The following FRMD6 variants were observed in gnomAD, a reference collection of about 807,000 sequenced individuals.
FRMD6 encodes FERM domain-containing protein 6.
Under a neutral mutation model 73.2 loss-of-function variants are expected in FRMD6, and 37 were observed. The observed-to-expected ratio is 0.51, with a 90% CI of 0.39 to 0.66. The LOEUF (loss-of-function observed/expected upper bound fraction) is 0.66, where lower values mean the gene tolerates loss of function less well. FRMD6 is among the 30% of genes least tolerant of loss of function. FRMD6 has a pLI of 0.00. For missense variants in FRMD6, 714 were observed against 780.5 expected (o/e 0.91, Z 1.02); for synonymous variants, 273 against 282.2 (o/e 0.97, Z 0.33).
At chr14:51,576,472 G>A (rs1016094854) in intron 2 of FRMD6, among the ~76,000 whole-genome samples, 1 of 152,176 alleles carries the variant, frequency 6.6e-6, no homozygotes, top group African/African-American at 2.4e-5. Flanking sequence ...ACTCGGGCAT[G>A]CCTATCTCAT....
chr14:51,573,345 A>G (rs1236948689), intron 2 of FRMD6, among the ~76,000 whole-genome samples: 5 of 152,146 alleles, frequency 3.3e-5, no homozygotes, highest in Non-Finnish European at 5.9e-5. Context: ...CTGACATTTC[A>G]ATGCCCCACT....
chr14:51,404,866 A>G, the FRMD6 span, among the ~76,000 whole-genome samples: 2 of 152,064 alleles, frequency 1.3e-5, no homozygotes, highest in African/African-American at 4.8e-5. Flanking sequence ...AGATTATTTA[A>G]TCACCCAGGT....
At chr14:51,432,262 G>C in the FRMD6 span, among the ~76,000 whole-genome samples, 1 of 152,130 alleles carries the variant, frequency 6.6e-6, no homozygotes, top group African/African-American at 2.4e-5. Flanking sequence ...CTTCATTCTG[G>C]TCTGACTATA....
chr14:51,469,915 GT>G, the FRMD6 span, among the ~76,000 whole-genome samples: 2 of 151,948 alleles, frequency 1.3e-5, no homozygotes, highest in Non-Finnish European at 1.5e-5. Flanking sequence ...TTGGGGGAAG[GT>G]TTTGGATAAC....
chr14:51,471,065 T>A, the FRMD6 span, among the ~76,000 whole-genome samples: 1 of 152,240 alleles, frequency 6.6e-6, no homozygotes, highest in Admixed American at 6.5e-5. Context: ...GGTTTTTCTA[T>A]GAATTGCTTA....
intron 2 of FRMD6, among the ~76,000 whole-genome samples, chr14:51,642,445 C>T (rs1026137730): frequency 6.6e-6 from 1 of 152,098 alleles, no homozygotes; most frequent in Non-Finnish European, 1.5e-5. Context: ...GAGACTGAGG[C>T]AGAATTGCTT....
chr14:51,527,158 C>T (rs1437204632), intron 1 of FRMD6, among the ~76,000 whole-genome samples: 3 of 152,232 alleles, frequency 2.0e-5, no homozygotes, highest in African/African-American at 4.8e-5. Flanking sequence ...TTTGAAACTT[C>T]GGAAAGACTC....
rs368489756 is a variant in FRMD6 at position 51,520,205 on chromosome 14, C to CA, written c.-210+30791dup. The stretch of plus-strand genomic sequence containing the variant: ...TTGCCAAAGAAGATATATGAGTGGC[C>CA]AAAAAACACATGAGAAAATGTTCAA... On this transcript the variant is annotated intron_variant, in intron 1 of 14. Coordinates refer to the FRMD6 transcript ENST00000356218. Among the ~76,000 whole-genome samples, 206 of 151,988 alleles carry CA rather than the reference C, an allele frequency of 1.4e-3. 1 individual carries two copies. The highest frequency in any genetic ancestry group is 4.8e-3 in the African/African-American group (200 of 41,486).
intron 2 of FRMD6, among the ~76,000 whole-genome samples, chr14:51,633,621 A>AAAATG (rs143710280): frequency 1.0e-5 from 1 of 99,368 alleles, no homozygotes; most frequent in African/African-American, 4.0e-5. Flanking sequence ...AAAAAAAAAA[A>AAAATG]GAAATAATTA....
chr14:51,684,185 A>G (rs1218268881), intron 1 of FRMD6, among the ~76,000 whole-genome samples: 2 of 151,550 alleles, frequency 1.3e-5, no homozygotes, highest in African/African-American at 2.4e-5. Flanking sequence ...CCCTCATAGT[A>G]CAGAGTATGC....
chr14:51,612,979 A>C (rs772785918), intron 2 of FRMD6, among the ~76,000 whole-genome samples: 1 of 152,208 alleles, frequency 6.6e-6, no homozygotes, highest in Non-Finnish European at 1.5e-5. Context: ...AAAGGAATTC[A>C]GGCAAAGGGA....
intron 7 of FRMD6, among the ~76,000 whole-genome samples, chr14:51,709,950 T>C (rs996317527): frequency 2.4e-4 from 37 of 152,220 alleles, no homozygotes; most frequent in African/African-American, 8.4e-4. Context: ...GAGGCTTTGG[T>C]GAGATAATGA....
chr14:51,672,531 G>A (rs1894082671), intron 1 of FRMD6, among the ~76,000 whole-genome samples: 1 of 152,158 alleles, frequency 6.6e-6, no homozygotes, highest in Non-Finnish European at 1.5e-5. Context: ...CATTGACATG[G>A]TTAAATTCCC....
chr14:51,601,123 T>C (rs554069510), intron 2 of FRMD6, among the ~76,000 whole-genome samples: 33 of 152,318 alleles, frequency 2.2e-4, no homozygotes, highest in Non-Finnish European at 4.6e-4. Context: ...TGGCATTTCA[T>C]GGGCAGACCT....
chr14:51,416,089 T>C, the FRMD6 span, among the ~76,000 whole-genome samples: 3 of 152,172 alleles, frequency 2.0e-5, no homozygotes, highest in Non-Finnish European at 4.4e-5. Context: ...TTTGTTGATC[T>C]TTTCAAAAAA....
intron 1 of FRMD6, among the ~76,000 whole-genome samples, chr14:51,546,117 T>G (rs17585531): frequency 0.18 from 27,287 of 152,146 alleles, 2,679 homozygotes; most frequent in African/African-American, 0.23. Flanking sequence ...GACAAGTCTG[T>G]ATTTCAGTGA....
intron 2 of FRMD6, among the ~76,000 whole-genome samples, chr14:51,691,719 C>T (rs754818683): frequency 6.6e-6 from 1 of 150,824 alleles, no homozygotes; most frequent in Admixed American, 6.6e-5. Flanking sequence ...CTCAGCCTCC[C>T]GAGTAGCTGG....
intron 1 of FRMD6, among the ~76,000 whole-genome samples, chr14:51,521,946 A>G (rs1032715233): frequency 6.6e-6 from 1 of 152,196 alleles, no homozygotes; most frequent in African/African-American, 2.4e-5. Flanking sequence ...CTACATATTT[A>G]TGTAACCCTT....
chr14:51,714,863 C>T (rs905462677), intron 9 of FRMD6: 1 of 151,982 alleles, frequency 6.6e-6, no homozygotes, highest in African/African-American at 2.4e-5. Flanking sequence ...TATTCACTGC[C>T]TATTTTTTTT....
Sources: allele counts gnomAD v4.1 joint callset (sites outside exome capture counted in the v4.1 genomes callset), GRCh38; gene constraint gnomAD v4.1.1; transcripts MANE v1.5; gene names NCBI Gene and HGNC (gene_info 2026-07-23, HGNC 2026-07-21).